Variants in EPHA6 observed in about 807,000 individuals in gnomAD.
The protein encoded by EPHA6 is EPH receptor A6, also known as ephrin type-A receptor 6.
EPHA6 carries 50 observed loss-of-function variants against 112.0 expected under a neutral mutation model. That is an observed-to-expected ratio of 0.45 (90% CI 0.36 to 0.56). The LOEUF is 0.56. Among genes scored for constraint, EPHA6 ranks in the 20% least tolerant of loss-of-function variants. EPHA6 has a pLI of 0.00. For missense variants in EPHA6, 1,280 were observed against 1,417.4 expected, an observed-to-expected ratio of 0.90 and a Z score of 1.56; for synonymous variants, 529 against 490.7, an observed-to-expected ratio of 1.08 and a Z score of -1.03.
chr3:97,452,813 A>G (rs1307308292), intron 7 of EPHA6, among the ~76,000 whole-genome samples: 4 of 151,740 alleles, frequency 2.6e-5, no homozygotes, highest in African/African-American at 9.7e-5. Flanking sequence ...TTTGGCTTAT[A>G]CAGCTATAAT....
At chr3:97,198,845 A>G (rs1576667296) in intron 3 of EPHA6, among the ~76,000 whole-genome samples, 2 of 152,264 alleles carry the variant, frequency 1.3e-5, no homozygotes, top group East Asian at 3.9e-4. Flanking sequence ...AAAACAAAGC[A>G]GTTTTCACTG....
Position 97,564,183 on chromosome 3 carries a change from A to G in EPHA6, c.2387-28429A>G, listed in dbSNP as rs1000013011. On this transcript the variant is annotated intron_variant, in intron 11 of 17. Transcript: ENST00000389672. ...AATAGGGAGTCATTTGATTCTATCT[A>G]AATCTGATAAATTAAGAAATACTTG... is the stretch of plus-strand genomic sequence containing the variant. 2.6e-5 allele frequency among the ~76,000 whole-genome samples: 4 copies of G among 152,050 alleles called. No individual in the cohort carries two copies. The East Asian group carries it at 5.8e-4, about 22-fold the overall frequency.
intron 6 of EPHA6, among the ~76,000 whole-genome samples, chr3:97,408,326 C>T (rs1167009931): frequency 6.6e-6 from 1 of 151,952 alleles, no homozygotes; most frequent in Non-Finnish European, 1.5e-5. Context: ...CCAACCATAG[C>T]ACCCTTCTCT....
chr3:97,127,663 C>T (rs998501515), intron 3 of EPHA6, among the ~76,000 whole-genome samples: 1 of 150,140 alleles, frequency 6.7e-6, no homozygotes, highest in African/African-American at 2.5e-5. Context: ...AGAGGTGAGC[C>T]GAGATTGCGC....
chr3:97,277,577 A>G (rs1234329966), intron 5 of EPHA6, among the ~76,000 whole-genome samples: 7 of 152,210 alleles, frequency 4.6e-5, no homozygotes, highest in Non-Finnish European at 8.8e-5. Context: ...TATAGGTTAT[A>G]TGGTATAACC....
intron 1 of EPHA6, among the ~76,000 whole-genome samples, chr3:96,847,382 C>G (rs1307745274): frequency 7.1e-6 from 1 of 140,274 alleles, no homozygotes; most frequent in African/African-American, 3.1e-5. Flanking sequence ...CATAGACTGA[C>G]ACGTTCATTT....
intron 3 of EPHA6, among the ~76,000 whole-genome samples, chr3:97,088,873 G>T (rs1240290143): frequency 6.6e-6 from 1 of 152,140 alleles, no homozygotes; most frequent in Non-Finnish European, 1.5e-5. Flanking sequence ...AAGGGTAACA[G>T]CTAAAAGCAG....
chr3:96,852,352 C>T (rs1045190521), intron 1 of EPHA6, among the ~76,000 whole-genome samples: 3 of 151,720 alleles, frequency 2.0e-5, no homozygotes, highest in African/African-American at 7.3e-5. Flanking sequence ...TAACTTGAGC[C>T]CAGAAGGCAG....
intron 11 of EPHA6, among the ~76,000 whole-genome samples, chr3:97,546,745 T>C (rs925575783): frequency 9.2e-5 from 14 of 152,234 alleles, no homozygotes; most frequent in African/African-American, 3.4e-4. Flanking sequence ...CCCATATTTC[T>C]TGGAAGCTTT....
chr3:97,552,577 A>C (rs967031404), intron 11 of EPHA6, among the ~76,000 whole-genome samples: 2 of 152,180 alleles, frequency 1.3e-5, no homozygotes, highest in Non-Finnish European at 2.9e-5. Context: ...TCTTTTAAAA[A>C]AGGACATATT....
intron 5 of EPHA6, among the ~76,000 whole-genome samples, chr3:97,373,733 T>C (rs1235792133): frequency 6.6e-6 from 1 of 152,158 alleles, no homozygotes; most frequent in Non-Finnish European, 1.5e-5. Context: ...GCTTATCTTT[T>C]ATTGCTATCT....
chr3:97,711,162 G>A (rs1296165991), intron 14 of EPHA6, among the ~76,000 whole-genome samples: 1 of 152,074 alleles, frequency 6.6e-6, no homozygotes, highest in African/African-American at 2.4e-5. Flanking sequence ...AGATCTGATG[G>A]TTTTAAAAAT....
At chr3:97,301,653 G>A (rs755647959) in intron 5 of EPHA6, among the ~76,000 whole-genome samples, 16 of 152,180 alleles carry the variant, frequency 1.1e-4, no homozygotes, top group Non-Finnish European at 1.9e-4. Context: ...CTTATACTGT[G>A]CCATAATCTG....
intron 10 of EPHA6, among the ~76,000 whole-genome samples, chr3:97,491,459 G>A (rs755236124): frequency 2.0e-5 from 3 of 152,204 alleles, no homozygotes; most frequent in Admixed American, 6.5e-5. Context: ...AGGTACAGTC[G>A]GGGGGTCAGA....
intron 3 of EPHA6, among the ~76,000 whole-genome samples, chr3:97,203,521 T>C (rs1370248677): frequency 6.6e-6 from 1 of 152,002 alleles, no homozygotes; most frequent in African/African-American, 2.4e-5. Flanking sequence ...AGAAATAGTA[T>C]AGGTAGTGCA....
At chr3:97,634,487 C>T (rs1365748642) in intron 13 of EPHA6, among the ~76,000 whole-genome samples, 1 of 151,812 alleles carries the variant, frequency 6.6e-6, no homozygotes, top group Non-Finnish European at 1.5e-5. Flanking sequence ...GGTGGGGTTC[C>T]CTGGGAAAGA....
intron 14 of EPHA6, among the ~76,000 whole-genome samples, chr3:97,649,528 CT>C (rs896427578): frequency 6.6e-6 from 1 of 151,886 alleles, no homozygotes; most frequent in African/African-American, 2.4e-5. Context: ...GGAAATGGCA[CT>C]TTTTTTAGGC....
chr3:97,557,751 C>G lies in EPHA6; in HGVS notation c.2386+25208C>G, dbSNP rs140488456. Among the ~76,000 whole-genome samples the G allele has an allele frequency of 1.1e-3, 164 of 151,768 alleles. 1 individual carries two copies. The highest frequency in any genetic ancestry group is 6.8e-3 in the Middle Eastern group (2 of 292). On this transcript the variant is annotated intron_variant, in intron 11 of 17. Transcript: ENST00000389672. ...AATCTATCCCCTTTATATTTCATAC[C>G]TTCACACAGGAGTTTCCATTCTCCT... is the stretch of plus-strand genomic sequence containing the variant.
At chr3:97,217,573 C>T (rs2078068576) in intron 3 of EPHA6, among the ~76,000 whole-genome samples, 1 of 151,940 alleles carries the variant, frequency 6.6e-6, no homozygotes, top group Admixed American at 6.6e-5. Context: ...ATGAAAATAC[C>T]CTAAAATGAA....
Sources: allele counts gnomAD v4.1 joint callset (sites outside exome capture counted in the v4.1 genomes callset), GRCh38; gene constraint gnomAD v4.1.1; transcripts MANE v1.5; gene names NCBI Gene and HGNC (gene_info 2026-07-23, HGNC 2026-07-21).